Variants in SEC24D observed in about 807,000 individuals in gnomAD.
SEC24D encodes SEC24 homolog D, COPII component, also known as protein transport protein Sec24D.
In SEC24D, 69 loss-of-function variants were observed where a neutral mutation model predicts 116.9. The ratio of observed to expected loss-of-function variants is 0.59; its 90% CI spans 0.49 to 0.72. SEC24D has a LOEUF of 0.72. Ranked by LOEUF, SEC24D falls within the 30% of genes least tolerant of loss-of-function variation. The pLI is 0.00. For missense variants in SEC24D, 1,131 were observed against 1,264.1 expected (o/e 0.89, Z 1.60); for synonymous variants, 405 against 442.8 (o/e 0.91, Z 1.07).
At chr4:118,823,511 T>C (rs1578477190) in intron 3 of SEC24D, among the ~76,000 whole-genome samples, 1 of 152,198 alleles carries the variant, frequency 6.6e-6, no homozygotes, top group Non-Finnish European at 1.5e-5. Flanking sequence ...CAAACCTTGC[T>C]ACCTGGGAAG....
intron 13 of SEC24D, among the ~76,000 whole-genome samples, chr4:118,747,006 T>C (rs545525774): frequency 1.3e-5 from 2 of 152,114 alleles, no homozygotes; most frequent in Admixed American, 6.5e-5. Context: ...ATCTTATTGT[T>C]GCATATGTCT....
At chr4:118,752,315 A>G (rs1726879034) in intron 12 of SEC24D, among the ~76,000 whole-genome samples, 1 of 152,192 alleles carries the variant, frequency 6.6e-6, no homozygotes, top group South Asian at 2.1e-4. Flanking sequence ...TATTTTTTCT[A>G]TTCACTGCAA....
rs1185148886 is a variant in SEC24D at position 118,751,176 on chromosome 4, C to CTTTTTTTTTTTTTTTTTTTTTTT, written c.1707+819_1707+820insAAAAAAAAAAAAAAAAAAAAAAA. Reference sequence around the variant, plus strand: ...TAATAATGATGATTTAGAGTGAGGGCTTTTTTTTTTTTTTTTTTTGAGATG... The same window carrying CTTTTTTTTTTTTTTTTTTTTTTT: ...TAATAATGATGATTTAGAGTGAGGGCTTTTTTTTTTTTTTTTTTTTTTTTTTTTTTTTTTTTTTTTTTGAGATG... On this transcript the variant is annotated intron_variant, in intron 13 of 22. Transcript: ENST00000280551. Among the ~76,000 whole-genome samples the CTTTTTTTTTTTTTTTTTTTTTTT allele has an allele frequency of 6.5e-4, 65 of 100,322 alleles. 7 individuals carry two copies. Among genetic ancestry groups the CTTTTTTTTTTTTTTTTTTTTTTT allele is most frequent in the East Asian group, 2.2e-3 (6 of 2,772 alleles). The allele number at this position is 100,322 out of a possible 152,430, so 65.8% of individuals were successfully genotyped here.
chr4:118,810,843 T>C (rs191209764), intron 6 of SEC24D, among the ~76,000 whole-genome samples: 23 of 151,772 alleles, frequency 1.5e-4, no homozygotes, highest in Non-Finnish European at 3.1e-4. Context: ...CTTAGGACAC[T>C]TCTAACACTA....
chr4:118,821,487 C>T (rs1174931145), intron 3 of SEC24D, among the ~76,000 whole-genome samples: 1 of 151,958 alleles, frequency 6.6e-6, no homozygotes, highest in Non-Finnish European at 1.5e-5. Flanking sequence ...TCAGTCAAAT[C>T]AAAAAGACAA....
intron 10 of SEC24D, among the ~76,000 whole-genome samples, chr4:118,759,570 G>A (rs1727267802): frequency 6.6e-6 from 1 of 152,136 alleles, no homozygotes; most frequent in African/African-American, 2.4e-5. Context: ...AGATTGCAAA[G>A]TACAGTGACT....
intron 13 of SEC24D, among the ~76,000 whole-genome samples, chr4:118,745,743 A>C (rs962128006): frequency 3.9e-5 from 6 of 152,264 alleles, no homozygotes; most frequent in Admixed American, 1.3e-4. Context: ...ACTAAGCAAA[A>C]TTTCCTGGAA....
chr4:118,771,567 T>C (rs1727906477), intron 8 of SEC24D, among the ~76,000 whole-genome samples: 1 of 152,204 alleles, frequency 6.6e-6, no homozygotes, highest in Middle Eastern at 3.2e-3. Context: ...ATGTATCTCT[T>C]GTGTATGTAT....
Position 118,765,418 on chromosome 4 carries a change from C to T in SEC24D, c.1181-501G>A, listed in dbSNP as rs937892607. Reference sequence around the variant, plus strand: ...TTGCGCTTAAGAGTGGAGAGGATTACTGTATTAGGGAAAGACTACACCACT... The same window carrying T: ...TTGCGCTTAAGAGTGGAGAGGATTATTGTATTAGGGAAAGACTACACCACT... On this transcript the variant is annotated intron_variant, in intron 9 of 22. Transcript: ENST00000280551. Among the ~76,000 whole-genome samples the T allele has an allele frequency of 2.6e-5, 4 of 152,190 alleles. 1 individual carries two copies. The highest frequency in any genetic ancestry group is 6.3e-3 in the Middle Eastern group (2 of 316).
At chr4:118,775,221 T>C (rs567275294) in intron 8 of SEC24D, among the ~76,000 whole-genome samples, 8 of 151,880 alleles carry the variant, frequency 5.3e-5, no homozygotes, top group African/African-American at 1.9e-4. Context: ...TACTGTAGTA[T>C]CTCCTGTAGC....
intron 8 of SEC24D, among the ~76,000 whole-genome samples, chr4:118,787,374 A>T (rs1281789817): frequency 6.6e-6 from 1 of 152,226 alleles, no homozygotes; most frequent in African/African-American, 2.4e-5. Flanking sequence ...AAAAATAGAT[A>T]ATTTAAGTAT....
At chr4:118,815,375 T>C (rs1435481921) in intron 5 of SEC24D, 76 bp downstream of exon 5, 6 of 1,541,796 alleles carry the variant, frequency 3.9e-6, no homozygotes, top group Admixed American at 3.5e-5. Flanking sequence ...CCTAGTAACA[T>C]AGGAACAAAG....
chr4:118,751,412 A>G (rs1028426837), intron 13 of SEC24D, among the ~76,000 whole-genome samples: 3 of 152,102 alleles, frequency 2.0e-5, no homozygotes, highest in African/African-American at 7.2e-5. Context: ...TCCCAATTTC[A>G]GGTGGTCTGC....
chr4:118,793,820 C>A (rs999048064), intron 8 of SEC24D, among the ~76,000 whole-genome samples: 5 of 152,158 alleles, frequency 3.3e-5, no homozygotes, highest in Non-Finnish European at 7.3e-5. Context: ...TAATTCTATT[C>A]TTGAATGTCT....
chr4:118,772,918 C>T (rs1241488946), intron 8 of SEC24D, among the ~76,000 whole-genome samples: 1 of 152,048 alleles, frequency 6.6e-6, no homozygotes, highest in South Asian at 2.1e-4. Context: ...TCATACCCAC[C>T]CACACTCAGA....
chr4:118,738,653 G>A (rs1726085300), intron 18 of SEC24D, among the ~76,000 whole-genome samples: 1 of 152,098 alleles, frequency 6.6e-6, no homozygotes, highest in African/African-American at 2.4e-5. Flanking sequence ...AAAAAGACAG[G>A]CCAATTTGTC....
chr4:118,818,556 T>G (rs757249669), intron 3 of SEC24D, among the ~76,000 whole-genome samples: 10 of 152,226 alleles, frequency 6.6e-5, no homozygotes, highest in Non-Finnish European at 1.5e-4. Flanking sequence ...ACCATTACTC[T>G]GAGTGCATGA....
intron 6 of SEC24D, among the ~76,000 whole-genome samples, chr4:118,806,882 G>C (rs899096731): frequency 6.6e-6 from 1 of 152,072 alleles, no homozygotes; most frequent in Non-Finnish European, 1.5e-5. Context: ...AGCTACTCTG[G>C]AGGCTGAGGT....
chr4:118,833,327 C>T (rs931386592), intron 2 of SEC24D: 3 of 332,936 alleles, frequency 9.0e-6, no homozygotes, highest in Admixed American at 4.7e-5. Flanking sequence ...AAGAACAAGA[C>T]TCACAGTAAA....
Sources: gnomAD v4.1 joint callset for allele counts (sites outside exome capture counted in the v4.1 genomes callset) on GRCh38, gnomAD v4.1.1 for gene constraint, MANE v1.5 for transcripts, NCBI Gene and HGNC (gene_info 2026-07-23, HGNC 2026-07-21) for gene names.